Variants in PHIP observed in about 807,000 individuals in gnomAD.
PHIP encodes PHIP subunit of CUL4-Ring ligase complex, also known as PH-interacting protein.
In PHIP, 54 loss-of-function variants were observed where a neutral mutation model predicts 236.8. The observed-to-expected ratio is 0.23, with a 90% CI of 0.18 to 0.29. The LOEUF is 0.29. Ranked by LOEUF, PHIP falls within the 10% of genes least tolerant of loss-of-function variation. The probability of loss-of-function intolerance (pLI) is 1.00; values close to 1 mark genes in which losing one functional copy is unlikely to be tolerated. For missense variants in PHIP, 1,370 were observed against 2,190.8 expected (o/e 0.63, Z 7.48); for synonymous variants, 756 against 718.9 (o/e 1.05, Z -0.83).
At chr6:78,978,195 A>G (rs1465130498) in intron 24 of PHIP, among the ~76,000 whole-genome samples, 1 of 152,174 alleles carries the variant, frequency 6.6e-6, no homozygotes, top group Non-Finnish European at 1.5e-5. Flanking sequence ...TGGGTAAACA[A>G]AACACTAACA....
chr6:79,070,230 T>C (rs756068005), intron 4 of PHIP, among the ~76,000 whole-genome samples: 1 of 152,252 alleles, frequency 6.6e-6, no homozygotes, highest in Non-Finnish European at 1.5e-5. Context: ...TAAAATTCTC[T>C]TTAAAGCATT....
intron 15 of PHIP, among the ~76,000 whole-genome samples, chr6:79,012,214 AATT>A (rs1770618691): frequency 6.6e-6 from 1 of 151,706 alleles, no homozygotes. Context: ...TGGAAAATTC[AATT>A]ATTATTCAAA....
intron 22 of PHIP, among the ~76,000 whole-genome samples, chr6:78,984,589 C>T (rs754237818): frequency 6.6e-6 from 1 of 152,058 alleles, no homozygotes; most frequent in Non-Finnish European, 1.5e-5. Flanking sequence ...TGCTGTCGAG[C>T]CAAAAGAAAT....
Position 79,015,075 on chromosome 6 carries a change from T to C in PHIP, c.1524+7A>G. ...AGTAGGTATAAAATGAAGAGAATGA[T>C]AATTACCATATTGAAATAAGATCGT... On this transcript the variant is annotated splice_region_variant and intron_variant, in intron 15 of 39. Transcript: ENST00000275034. 1.2e-6 allele frequency: 2 copies of C among 1,608,066 alleles called. No individual in the cohort carries two copies. The highest frequency in any genetic ancestry group is 1.3e-5 in the African/African-American group (1 of 74,876).
chr6:78,978,418 G>A (rs1768268467), intron 24 of PHIP, among the ~76,000 whole-genome samples, 174 bp downstream of exon 24: 1 of 151,980 alleles, frequency 6.6e-6, no homozygotes, highest in African/African-American at 2.4e-5. Flanking sequence ...CAGCTTCAAA[G>A]AAGATTATTA....
intron 23 of PHIP, among the ~76,000 whole-genome samples, chr6:78,982,104 C>CA (rs1562150043): frequency 6.6e-6 from 1 of 151,832 alleles, no homozygotes; most frequent in African/African-American, 2.4e-5. Context: ...GCAGAGGTTA[C>CA]AAAAAAATCT....
At chr6:79,051,241 T>C (rs1772779345) in intron 6 of PHIP, among the ~76,000 whole-genome samples, 1 of 152,156 alleles carries the variant, frequency 6.6e-6, no homozygotes, top group African/African-American at 2.4e-5. Flanking sequence ...TACCAGCAAG[T>C]AGCAACCAAC....
At chr6:78,951,846 T>A (rs1774173955) in intron 35 of PHIP, among the ~76,000 whole-genome samples, 1 of 152,226 alleles carries the variant, frequency 6.6e-6, no homozygotes, top group Non-Finnish European at 1.5e-5. Flanking sequence ...ACATAAGGGA[T>A]ACGGGTTCCC....
chr6:78,970,435 T>A (rs1767457378), intron 25 of PHIP, among the ~76,000 whole-genome samples: 1 of 152,188 alleles, frequency 6.6e-6, no homozygotes, highest in African/African-American at 2.4e-5. Flanking sequence ...GTAAGTTTTC[T>A]ATCACCATTC....
At chr6:79,036,286 A>C (rs1771928416) in intron 7 of PHIP, among the ~76,000 whole-genome samples, 1 of 151,972 alleles carries the variant, frequency 6.6e-6, no homozygotes, top group African/African-American at 2.4e-5. Flanking sequence ...TATACATCCC[A>C]CCTCCTTAAA....
chr6:79,001,212 T>G (rs1373725971), intron 17 of PHIP, among the ~76,000 whole-genome samples: 1 of 152,060 alleles, frequency 6.6e-6, no homozygotes, highest in East Asian at 1.9e-4. Flanking sequence ...TATTTTTACT[T>G]AATACACTAG....
chr6:78,982,864 T>C, intron 23 of PHIP, 22 bp downstream of exon 23: 1 of 1,438,454 alleles, frequency 7.0e-7, no homozygotes, highest in Non-Finnish European at 9.4e-7. Context: ...AAACACCAAA[T>C]TTGTAATGTT....
chr6:79,050,165 G>T (rs541253821), intron 6 of PHIP, among the ~76,000 whole-genome samples: 1 of 152,058 alleles, frequency 6.6e-6, no homozygotes, highest in East Asian at 1.9e-4. Flanking sequence ...AATAATGTGG[G>T]TATAAATGTC....
In PHIP at chr6:78,941,326, A is replaced by G. The variant is rs1054143118; in HGVS notation, c.4833T>C (p.Asp1611=). The G allele has an allele frequency of 5.0e-6, 8 of 1,611,674 alleles. No individual in the cohort carries two copies. The highest frequency in any genetic ancestry group is 5.1e-6 in the Non-Finnish European group (6 of 1,178,608). ...CTGGTACAAGAGCGTTGTTCTTACA[A>G]TCTCCTAAAAGGGAACAACAGTACA... The part of the protein sequence containing the change: ...SKSSAVIEQG[D]CKNNALVPGT... The change falls in exon 40 of 40, where the codon GAT becomes GAC. Residue 1611 remains aspartate (D), a synonymous_variant. Transcript: ENST00000275034.
chr6:79,047,403 T>A (rs1772555523), intron 6 of PHIP, among the ~76,000 whole-genome samples: 3 of 152,200 alleles, frequency 2.0e-5, no homozygotes, highest in Admixed American at 2.0e-4. Context: ...CTAATGCATA[T>A]TCAATTTAGA....
chr6:78,974,206 T>G (rs1009135752), intron 24 of PHIP, among the ~76,000 whole-genome samples: 4 of 152,022 alleles, frequency 2.6e-5, no homozygotes, highest in Non-Finnish European at 4.4e-5. Flanking sequence ...CAAACTAGAA[T>G]TCAGGATTAA....
intron 21 of PHIP, among the ~76,000 whole-genome samples, chr6:78,985,910 CAAAT>C (rs1426823105): frequency 6.6e-6 from 1 of 151,870 alleles, no homozygotes; most frequent in Non-Finnish European, 1.5e-5. Context: ...CTTTTTTTCA[CAAAT>C]AAATGAGAAT....
At chr6:79,021,664 G>A (rs1771122550) in intron 9 of PHIP, among the ~76,000 whole-genome samples, 1 of 152,178 alleles carries the variant, frequency 6.6e-6, no homozygotes, top group Non-Finnish European at 1.5e-5. Flanking sequence ...TTATTTTGGG[G>A]ATCTAAAAAT....
chr6:78,988,330 A>G lies in PHIP; in HGVS notation c.2339T>C (p.Phe780Ser). 1 of 1,602,884 alleles carries G rather than the reference A, an allele frequency of 6.2e-7. No homozygotes were observed. Among genetic ancestry groups the G allele is most frequent in the Non-Finnish European group, 8.5e-7 (1 of 1,172,962 alleles). ...TVSKNHAHEH[F>S]LDLGESKKQQ... ...CTTTTTGGATTCTCCAAGATCCAGG[A>G]AATGCTCATGAGCATGATTCTAGAA... The change falls in exon 21 of 40, where the codon TTC becomes TCC. Residue 780 changes from phenylalanine (F) to serine (S), a missense_variant. Phe to Ser is a radical substitution (Grantham distance 155). Coordinates refer to ENST00000275034, the MANE Select transcript of PHIP (RefSeq NM_017934.7).
Sources: gnomAD v4.1 joint callset for allele counts (sites outside exome capture counted in the v4.1 genomes callset) on GRCh38, gnomAD v4.1.1 for gene constraint, MANE v1.5 for transcripts, NCBI Gene and HGNC (gene_info 2026-07-23, HGNC 2026-07-21) for gene names.